The following ZNF334 variants were observed in gnomAD, a reference collection of about 807,000 sequenced individuals.
The protein encoded by ZNF334 is zinc finger protein 334.
Under a neutral mutation model 12.4 loss-of-function variants are expected in ZNF334, and 14 were observed. The ratio of observed to expected loss-of-function variants is 1.13; its 90% confidence interval spans 0.74 to 1.76. The LOEUF is 1.76. Ranked by LOEUF, ZNF334 falls within the 40% of genes most tolerant of loss-of-function variation. The pLI, the probability that ZNF334 is intolerant of heterozygous loss-of-function variation, is 0.00. For synonymous variants in ZNF334, 273 were observed against 269.6 expected (o/e 1.01, Z -0.12); for missense variants, 797 against 804.5 (o/e 0.99, Z 0.11).
chr20:46,501,951 C>T lies in ZNF334; in HGVS notation c.1388G>A (p.Cys463Tyr). 6.2e-7 allele frequency: 1 copy of T among 1,614,042 alleles called. No individual in the cohort carries two copies. The highest frequency in any genetic ancestry group is 1.6e-4 in the Middle Eastern group (1 of 6,062). Residue 463 changes from cysteine (C) to tyrosine (Y), a missense_variant, in exon 5 of 5, where the codon TGT becomes TAT. Coordinates refer to ENST00000692313, the MANE Select transcript of ZNF334 (RefSeq NM_001353824.2). ...ITHRGKKSYE[C>Y]NECGKFFCHK... is the part of the protein sequence containing the mutation. ...GCAGAAAAATTTCCCACATTCATTA[C>T]ATTCATAAGACTTCTTTCCTCTATG...
At chr20:46,482,967 A>C in the ZNF334 span, among the ~76,000 whole-genome samples, 1 of 152,146 alleles carries the variant, frequency 6.6e-6, no homozygotes, top group Admixed American at 6.6e-5. Context: ...AACTTTAAGA[A>C]AGCTATCTAG....
At chr20:46,466,036 G>A in the ZNF334 span, among the ~76,000 whole-genome samples, 1 of 152,194 alleles carries the variant, frequency 6.6e-6, no homozygotes, top group East Asian at 1.9e-4. Context: ...AGGTGTTGAT[G>A]GGAGAGAGGA....
At chr20:46,473,842 T>C in the ZNF334 span, among the ~76,000 whole-genome samples, 3 of 152,312 alleles carry the variant, frequency 2.0e-5, no homozygotes, top group South Asian at 2.1e-4. Context: ...TTATAATCAA[T>C]TAATACCTGC....
In ZNF334 at chr20:46,501,569, AT is replaced by A. The variant is rs2061168625; in HGVS notation, c.1769del (p.His590LeufsTer114). ...TFCQKFSFVE[H>X]QRTHTGEKPY... ...GTTTCTCCCCAGTGTGAGTTCGCTG[AT>A]GTTCAACAAAGGAGAACTTCTGACA... is the stretch of plus-strand genomic sequence containing the variant. On this transcript the variant is annotated frameshift_variant, in exon 5 of 5. Coordinates refer to ENST00000692313, the MANE Select transcript of ZNF334 (RefSeq NM_001353824.2). LOFTEE classifies it low-confidence loss of function (END_TRUNC). 6.2e-7 allele frequency: 1 copy of A among 1,613,914 alleles called. No individual in the cohort carries two copies. The highest frequency in any genetic ancestry group is 1.7e-5 in the Admixed American group (1 of 59,992).
At chr20:46,484,099 G>A in the ZNF334 span, among the ~76,000 whole-genome samples, 1 of 150,720 alleles carries the variant, frequency 6.6e-6, no homozygotes, top group Non-Finnish European at 1.5e-5. Context: ...AAAAACCGAT[G>A]TCCCATCCCA....
the ZNF334 span, among the ~76,000 whole-genome samples, chr20:46,479,435 G>A: frequency 7.2e-5 from 11 of 152,048 alleles, no homozygotes; most frequent in Non-Finnish European, 1.0e-4. Flanking sequence ...GACACACCTC[G>A]TTATACCCTC....
chr20:46,477,240 A>G, the ZNF334 span: 6 of 152,282 alleles, frequency 3.9e-5, no homozygotes, highest in East Asian at 1.9e-4. Context: ...ATGAGGCTGG[A>G]TAAGTAAATG....
chr20:46,498,006 T>G (rs2061053107), downstream of ZNF334, among the ~76,000 whole-genome samples: 1 of 152,250 alleles, frequency 6.6e-6, no homozygotes, highest in African/African-American at 2.4e-5. Flanking sequence ...CATGCATTTA[T>G]CTCTATCTCT....
intron 2 of ZNF334, among the ~76,000 whole-genome samples, chr20:46,507,695 G>A (rs2061488070): frequency 6.6e-6 from 1 of 152,120 alleles, no homozygotes; most frequent in South Asian, 2.1e-4. Context: ...ACCATCCTAG[G>A]TCACCCGTCT....
chr20:46,494,877 C>T (rs907893373), downstream of ZNF334, among the ~76,000 whole-genome samples: 1 of 152,204 alleles, frequency 6.6e-6, no homozygotes, highest in African/African-American at 2.4e-5. Context: ...CTAACACTTT[C>T]TTCTTTGTAT....
chr20:46,512,049 A>G (rs1259370997), intron 2 of ZNF334, 33 bp downstream of exon 2: 1 of 1,609,544 alleles, frequency 6.2e-7, no homozygotes. Flanking sequence ...AATTCACTGT[A>G]TAATGTGAGA....
the ZNF334 span, among the ~76,000 whole-genome samples, chr20:46,470,916 T>C: frequency 6.6e-5 from 10 of 152,188 alleles, no homozygotes; most frequent in Non-Finnish European, 2.9e-5. Flanking sequence ...GCTATGAACA[T>C]TCTTGTACAC....
the ZNF334 span, chr20:46,463,846 G>T: frequency 2.5e-6 from 1 of 404,438 alleles, no homozygotes. Flanking sequence ...ACAGGGGACT[G>T]CTGCTGTCTG....
Position 46,500,108 on chromosome 20 carries a change from C to T in ZNF334, c.*1188G>A, listed in dbSNP as rs1332963942. 1 of 152,180 alleles carries T rather than the reference C, an allele frequency of 6.6e-6. No individual in the cohort carries two copies. The highest frequency in any genetic ancestry group is 2.4e-5 in the African/African-American group (1 of 41,446). 9.4% of individuals were successfully genotyped at this position (152,180 alleles called of 1,614,324 possible). On this transcript the variant is annotated 3_prime_UTR_variant, in exon 5 of 5. Coordinates refer to ENST00000692313, the MANE Select transcript of ZNF334 (RefSeq NM_001353824.2). ...GCAATATCTGTGACAAGAAATTATACTTGCAGGTCAGCCCACAATGAAGAG... is the reference window on the plus strand; with the variant it reads ...GCAATATCTGTGACAAGAAATTATATTTGCAGGTCAGCCCACAATGAAGAG...
chr20:46,486,148 CAATT>C, the ZNF334 span, among the ~76,000 whole-genome samples: 6 of 152,336 alleles, frequency 3.9e-5, no homozygotes, highest in Admixed American at 6.5e-5. Context: ...TTGAGTCAAT[CAATT>C]GTCACTGTTG....
the ZNF334 span, chr20:46,491,811 T>C: frequency 6.5e-6 from 1 of 153,250 alleles, no homozygotes; most frequent in African/African-American, 2.4e-5. Flanking sequence ...ACTCATTCTA[T>C]AGGGAGGCCC....
At chr20:46,488,320 T>C in the ZNF334 span, among the ~76,000 whole-genome samples, 1 of 150,136 alleles carries the variant, frequency 6.7e-6, no homozygotes, top group African/African-American at 2.5e-5. Context: ...GTGTTGGGAT[T>C]TGAGTTTATG....
Position 46,504,258 on chromosome 20 carries a change from TC to T in ZNF334, c.196del (p.Glu66LysfsTer5), listed in dbSNP as rs892295294. 2 of 1,613,830 alleles carry T rather than the reference TC, an allele frequency of 1.2e-6. No homozygotes were observed. The highest frequency in any genetic ancestry group is 1.7e-6 in the Non-Finnish European group (2 of 1,179,906). On this transcript the variant is annotated frameshift_variant, in exon 4 of 5. Coordinates refer to ENST00000692313, the MANE Select transcript of ZNF334 (RefSeq NM_001353824.2). LOFTEE classifies it low-confidence loss of function (END_TRUNC). ...PDVIFKLEQGEEPWIVEEFSN... is the reference protein window; with the variant it reads ...PDVIFKLEQGXEPWIVEEFSN... ...GAATTCCTCCACTATCCATGGCTCT[TC>T]TCCTTGCTCCAATTTGAAAATCACA...
Position 46,501,403 on chromosome 20 carries a change from G to A in ZNF334, c.1936C>T (p.His646Tyr). The A allele has an allele frequency of 6.2e-7, 1 of 1,614,100 alleles. No homozygotes were observed. The highest frequency in any genetic ancestry group is 1.1e-5 in the South Asian group (1 of 91,076). ...TYRRLWTLTE[H>Y]QKIHTGEKPY... ...TTCTCTCCTGTGTGTATTTTCTGAT[G>A]TTCAGTGAGAGTCCACAGGCGACGG... The change falls in exon 5 of 5, where the codon CAT (histidine) becomes TAT (tyrosine). Residue 646 changes from histidine to tyrosine, a missense_variant. His to Tyr is a moderately conservative substitution (Grantham distance 83). Transcript: ENST00000692313.
Sources: gnomAD v4.1 joint callset for allele counts (sites outside exome capture counted in the v4.1 genomes callset) on GRCh38, gnomAD v4.1.1 for gene constraint, MANE v1.5 for transcripts, NCBI Gene and HGNC (gene_info 2026-07-23, HGNC 2026-07-21) for gene names.